The following C1GALT1 variants were observed in gnomAD, a reference collection of about 807,000 sequenced individuals.
The protein encoded by C1GALT1 is glycoprotein-N-acetylgalactosamine 3-beta-galactosyltransferase 1.
In C1GALT1, 11 loss-of-function variants were observed where a neutral mutation model predicts 31.0. That is an observed-to-expected ratio of 0.36 (90% CI 0.22 to 0.59). The LOEUF is 0.59. Among genes scored for constraint, C1GALT1 ranks in the 20% least tolerant of loss-of-function variants. The pLI is 0.79. For missense variants in C1GALT1, 424 were observed against 425.2 expected, an observed-to-expected ratio of 1.00 and a Z score of 0.03; for synonymous variants, 175 against 143.6, an observed-to-expected ratio of 1.22 and a Z score of -1.56.
At chr7:7,192,452 T>G (rs963595866) in intron 1 of C1GALT1, among the ~76,000 whole-genome samples, 1 of 152,148 alleles carries the variant, frequency 6.6e-6, no homozygotes, top group Non-Finnish European at 1.5e-5. Context: ...CCATCCAGGT[T>G]GCTGTGAATG....
Position 7,238,326 on chromosome 7 carries a change from C to A in C1GALT1, c.292C>A (p.Gln98Lys). The stretch of plus-strand genomic sequence containing the variant: ...TCTTTGCTGGGTTATGACCGGCCCT[C>A]AAAACCTAGAGAAAAAGGCCAAACA... ...RILCWVMTGP[Q>K]NLEKKAKHVK... Residue 98 changes from glutamine to lysine, a missense_variant, in exon 3 of 4, where the codon CAA becomes AAA. Coordinates refer to ENST00000436587, the MANE Select transcript of C1GALT1 (RefSeq NM_020156.5). This position sits in a 1 kb window ranked among gnomAD's most constrained non-coding sequence, Gnocchi z 5.2. The A allele has an allele frequency of 6.2e-7, 1 of 1,613,994 alleles. No homozygotes were observed. The highest frequency in any genetic ancestry group is 8.5e-7 in the Non-Finnish European group (1 of 1,179,962).
At chr7:7,228,151 A>C (rs540319493) in intron 1 of C1GALT1, among the ~76,000 whole-genome samples, 13 of 152,212 alleles carry the variant, frequency 8.5e-5, no homozygotes, top group African/African-American at 3.1e-4. Flanking sequence ...TGTTATTGCT[A>C]GAGAGAAACC....
intron 2 of C1GALT1, among the ~76,000 whole-genome samples, chr7:7,158,890 A>T (rs1780302530): frequency 6.6e-6 from 1 of 152,132 alleles, no homozygotes. Flanking sequence ...ATTAAAATTA[A>T]CTGTGTTTTA....
chr7:7,238,364 T>G lies in C1GALT1; in HGVS notation c.330T>G (p.Thr110=). Residue 110 remains threonine (T), a synonymous_variant, in exon 3 of 4, where the codon ACT becomes ACG. Transcript: ENST00000436587. The surrounding 1 kb of genome is among the most constrained non-coding windows in gnomAD (Gnocchi z 5.2). ...AAAAGGCCAAACACGTCAAAGCTAC[T>G]TGGGCCCAGCGTTGTAACAAAGTGT... ...LEKKAKHVKA[T]WAQRCNKVLF... The G allele has an allele frequency of 1.2e-6, 2 of 1,614,124 alleles. No individual in the cohort carries two copies. The highest frequency in any genetic ancestry group is 1.7e-6 in the Non-Finnish European group (2 of 1,180,004).
intron 2 of C1GALT1, among the ~76,000 whole-genome samples, chr7:7,167,701 C>T (rs913293958): frequency 6.6e-6 from 1 of 151,960 alleles, no homozygotes; most frequent in Non-Finnish European, 1.5e-5. Flanking sequence ...AAAATTTGGA[C>T]CCCCTGATAC....
In C1GALT1 at chr7:7,184,238, A is replaced by C. The variant is rs552298372; in HGVS notation, c.-18+1418A>C. Among the ~76,000 whole-genome samples, 287 of 152,362 alleles carry C rather than the reference A, an allele frequency of 1.9e-3. 1 individual carries two copies. Among genetic ancestry groups the C allele is most frequent in the Middle Eastern group, 3.4e-3 (1 of 294 alleles). On this transcript the variant is annotated intron_variant, in intron 1 of 3. Coordinates refer to ENST00000436587, the MANE Select transcript of C1GALT1 (RefSeq NM_020156.5). ...AACTCTTCACCTTATGGTAAGTGAA[A>C]CAATGACTTAGTAAGGAAAGTATGA...
intron 2 of C1GALT1, among the ~76,000 whole-genome samples, chr7:7,236,211 A>G (rs749624049): frequency 1.3e-5 from 2 of 152,154 alleles, no homozygotes; most frequent in Non-Finnish European, 2.9e-5. Context: ...ATTCCTCTGC[A>G]GCAGGAAATG....
intron 1 of C1GALT1, among the ~76,000 whole-genome samples, chr7:7,212,705 G>A (rs904208246): frequency 1.3e-5 from 2 of 152,086 alleles, no homozygotes; most frequent in African/African-American, 4.8e-5. Flanking sequence ...AATTTTTTGT[G>A]GGTAAGGGAT....
At chr7:7,193,858 G>A (rs772440888) in intron 1 of C1GALT1, among the ~76,000 whole-genome samples, 12 of 152,086 alleles carry the variant, frequency 7.9e-5, no homozygotes, top group Non-Finnish European at 1.5e-4. Flanking sequence ...TCTTTCAGCA[G>A]TGTTTTGTAG....
intron 1 of C1GALT1, among the ~76,000 whole-genome samples, chr7:7,226,123 T>TAACA (rs1373055846): frequency 6.6e-6 from 1 of 152,160 alleles, no homozygotes; most frequent in Admixed American, 6.5e-5. Context: ...TAAAAATTTC[T>TAACA]AACATGGTAC....
chr7:7,223,951 T>G (rs1376533290), intron 1 of C1GALT1, among the ~76,000 whole-genome samples: 1 of 152,140 alleles, frequency 6.6e-6, no homozygotes, highest in Non-Finnish European at 1.5e-5. Flanking sequence ...CTGTTTTTGT[T>G]TTTCTGAGAG....
intron 1 of C1GALT1, among the ~76,000 whole-genome samples, chr7:7,204,571 C>T (rs1285970787): frequency 6.6e-6 from 1 of 151,620 alleles, no homozygotes; most frequent in African/African-American, 2.4e-5. Context: ...TATCTCTGTT[C>T]TTTATTGTTT....
rs145917767 is a variant in C1GALT1, at chr7:7,238,344, G to A, written c.310G>A (p.Ala104Thr). 1.7e-5 allele frequency: 28 copies of A among 1,614,072 alleles called. No individual in the cohort carries two copies. The East Asian group carries it at 5.6e-4, about 32-fold the overall frequency. Residue 104 changes from alanine to threonine, a missense_variant, in exon 3 of 4, where the codon GCC becomes ACC. Around this residue, in one of 3 missense-constraint regions of C1GALT1, gnomAD observed 189 missense variants for 158.2 expected, o/e 1.19. Coordinates refer to ENST00000436587, the MANE Select transcript of C1GALT1 (RefSeq NM_020156.5). This position sits in a 1 kb window ranked among gnomAD's most constrained non-coding sequence, Gnocchi z 5.2. ...CGGCCCTCAAAACCTAGAGAAAAAG[G>A]CCAAACACGTCAAAGCTACTTGGGC... ...MTGPQNLEKK[A>T]KHVKATWAQR...
intron 1 of C1GALT1, among the ~76,000 whole-genome samples, chr7:7,209,988 G>C (rs921658290): frequency 1.3e-5 from 2 of 152,136 alleles, no homozygotes; most frequent in African/African-American, 4.8e-5. Flanking sequence ...TTTGAGCCAG[G>C]ATGAGCCAGG....
intron 1 of C1GALT1, among the ~76,000 whole-genome samples, chr7:7,210,882 G>C (rs1781971943): frequency 6.6e-6 from 1 of 152,276 alleles, no homozygotes; most frequent in East Asian, 1.9e-4. Flanking sequence ...AACTTTTCTG[G>C]AGATGCTTTA....
intron 1 of C1GALT1, among the ~76,000 whole-genome samples, chr7:7,207,511 G>A (rs977029096): frequency 6.6e-6 from 1 of 151,188 alleles, no homozygotes; most frequent in African/African-American, 2.4e-5. Flanking sequence ...TTTCCATTTT[G>A]TTCATACATC....
intron 1 of C1GALT1, among the ~76,000 whole-genome samples, chr7:7,186,099 A>T (rs1780803773): frequency 6.6e-6 from 1 of 152,164 alleles, no homozygotes; most frequent in African/African-American, 2.4e-5. Context: ...TGAGGATAGC[A>T]CAGGGCACCA....
intron 1 of C1GALT1, among the ~76,000 whole-genome samples, chr7:7,220,922 C>T (rs938098241): frequency 1.3e-5 from 2 of 152,158 alleles, no homozygotes; most frequent in Non-Finnish European, 2.9e-5. Flanking sequence ...TGCTTTTTAG[C>T]TTTCAATGTT....
chr7:7,223,888 C>T (rs1450687809), intron 1 of C1GALT1, among the ~76,000 whole-genome samples: 1 of 152,020 alleles, frequency 6.6e-6, no homozygotes, highest in Non-Finnish European at 1.5e-5. Flanking sequence ...TTAAGTGTAC[C>T]ATTAGCTGTT....
Sources: allele counts gnomAD v4.1 joint callset (sites outside exome capture counted in the v4.1 genomes callset), GRCh38; gene constraint gnomAD v4.1.1; regional missense constraint gnomAD v4.1.1; non-coding constraint Gnocchi (gnomAD v3.1); transcripts MANE v1.5; gene names NCBI Gene and HGNC (gene_info 2026-07-23, HGNC 2026-07-21).